The following CPQ variants were observed in gnomAD, a reference collection of about 807,000 sequenced individuals.
The protein encoded by CPQ is Ser-Met dipeptidase.
A neutral mutation model predicts 45.7 loss-of-function variants in CPQ; 37 were observed. That is an observed-to-expected ratio of 0.81 (90% CI 0.62 to 1.07). CPQ has a LOEUF of 1.07. Among genes scored for constraint, CPQ ranks in the 50% least tolerant of loss-of-function variants. The probability of loss-of-function intolerance (pLI) is 0.00; values close to 1 mark genes in which losing one functional copy is unlikely to be tolerated. For missense variants in CPQ, 537 were observed against 572.9 expected (o/e 0.94, Z 0.64); for synonymous variants, 186 against 205.8 (o/e 0.90, Z 0.82).
In CPQ at chr8:97,123,034, AAAATAAAAT is replaced by A. The variant is rs1191194702; in HGVS notation, c.1256-19973_1256-19965del. 8.1e-4 allele frequency among the ~76,000 whole-genome samples: 60 copies of A among 74,454 alleles called. 5 individuals carry two copies. Among genetic ancestry groups the A allele is most frequent in the Non-Finnish European group, 1.1e-3 (39 of 35,842 alleles). 48.8% of individuals were successfully genotyped at this position (74,454 alleles called of 152,430 possible). A position where few individuals can be genotyped will look rare whatever the true frequency, so the allele number is the denominator to read the frequency against. ...TAAAATAAAATAAAATAAATAAAAT[AAAATAAAAT>A]AAATAAAATAAAATAAAATAAAAAA... is the stretch of plus-strand genomic sequence containing the variant. On this transcript the variant is annotated intron_variant, in intron 7 of 7. Transcript: ENST00000220763.
intron 1 of CPQ, among the ~76,000 whole-genome samples, chr8:96,691,908 C>T (rs977954828): frequency 5.3e-5 from 8 of 152,074 alleles, no homozygotes; most frequent in Non-Finnish European, 1.0e-4. Flanking sequence ...TGTCCAAAAC[C>T]ATATAAATAA....
chr8:96,647,617 A>T (rs181337142), intron 1 of CPQ, among the ~76,000 whole-genome samples: 7 of 152,332 alleles, frequency 4.6e-5, no homozygotes, highest in Non-Finnish European at 7.3e-5. Context: ...ACTTTGAAGA[A>T]TGTGGTCTCT....
chr8:96,705,894 T>A (rs922711645), intron 1 of CPQ, among the ~76,000 whole-genome samples: 3 of 152,204 alleles, frequency 2.0e-5, no homozygotes, highest in Non-Finnish European at 4.4e-5. Context: ...ATATAATTTT[T>A]ACCTTTGATA....
intron 4 of CPQ, among the ~76,000 whole-genome samples, chr8:96,958,998 T>G (rs557221072): frequency 1.4e-4 from 21 of 152,088 alleles, no homozygotes; most frequent in African/African-American, 4.6e-4. Flanking sequence ...ACACCCTGTA[T>G]GTCAAGAGCT....
chr8:96,784,747 TGTTGGGCAGTG>T, intron 1 of CPQ, 106 bp from the exon 2 acceptor site: 3 of 682,558 alleles, frequency 4.4e-6, no homozygotes, highest in Non-Finnish European at 7.4e-6. Context: ...TGATGGTGGA[TGTTGGGCAGTG>T]GTTGGGAAGG....
At chr8:96,885,980 G>GA (rs36090013) in intron 4 of CPQ, among the ~76,000 whole-genome samples, 47 of 149,556 alleles carry the variant, frequency 3.1e-4, no homozygotes, top group East Asian at 1.4e-3. Flanking sequence ...CATCTCAACA[G>GA]AAAAAAAAAA....
At chr8:96,718,748 C>A (rs893571092) in intron 1 of CPQ, among the ~76,000 whole-genome samples, 1 of 152,140 alleles carries the variant, frequency 6.6e-6, no homozygotes. Context: ...GGTGCGTTTA[C>A]AATCCCTGAG....
At chr8:97,045,439 C>T (rs963045645) in intron 6 of CPQ, among the ~76,000 whole-genome samples, 21 of 152,294 alleles carry the variant, frequency 1.4e-4, no homozygotes, top group African/African-American at 4.8e-4. Context: ...CTTGTGCTTC[C>T]CGAGTGAGGC....
chr8:97,055,470 C>T (rs1228377805), intron 6 of CPQ: 2 of 152,136 alleles, frequency 1.3e-5, no homozygotes, highest in African/African-American at 4.8e-5. Context: ...TAAATAATAA[C>T]TCAACTCTCA....
At chr8:97,014,222 T>C (rs1225325263) in intron 5 of CPQ, among the ~76,000 whole-genome samples, 1 of 151,726 alleles carries the variant, frequency 6.6e-6, no homozygotes, top group African/African-American at 2.4e-5. Flanking sequence ...AGGGGGAGAG[T>C]TCCAGGGATG....
chr8:96,665,722 C>T (rs1396277445), intron 1 of CPQ, among the ~76,000 whole-genome samples: 1 of 152,132 alleles, frequency 6.6e-6, no homozygotes, highest in Non-Finnish European at 1.5e-5. Flanking sequence ...TATCTCTATT[C>T]CTATGATCTC....
At chr8:97,113,376 G>A (rs555692289) in intron 7 of CPQ, among the ~76,000 whole-genome samples, 2 of 152,292 alleles carry the variant, frequency 1.3e-5, no homozygotes, top group Non-Finnish European at 2.9e-5. Context: ...ACATAAACAG[G>A]ACTTTAATGT....
intron 1 of CPQ, among the ~76,000 whole-genome samples, chr8:96,719,124 C>T (rs539798881): frequency 3.5e-4 from 54 of 152,296 alleles, no homozygotes; most frequent in South Asian, 1.9e-3. Flanking sequence ...GACTGGGTGC[C>T]GTGGAGCAAG....
chr8:96,749,128 C>T (rs1443647949), intron 1 of CPQ, among the ~76,000 whole-genome samples: 2 of 152,100 alleles, frequency 1.3e-5, no homozygotes, highest in Non-Finnish European at 1.5e-5. Context: ...GGTCCTGGCA[C>T]AAAGTTTATG....
At chr8:96,823,846 A>G (rs1811342739) in intron 2 of CPQ, among the ~76,000 whole-genome samples, 2 of 151,978 alleles carry the variant, frequency 1.3e-5, no homozygotes, top group Non-Finnish European at 2.9e-5. Context: ...TATTATTATT[A>G]TTTTAATTAA....
intron 1 of CPQ, 80 bp from the exon 2 acceptor site, chr8:96,784,784 T>C: frequency 9.5e-7 from 1 of 1,053,880 alleles, no homozygotes; most frequent in East Asian, 2.6e-5. Context: ...GGAATGCTGC[T>C]TGAAAAGCAA....
At chr8:97,106,609 C>A (rs1811409832) in intron 7 of CPQ, among the ~76,000 whole-genome samples, 1 of 152,286 alleles carries the variant, frequency 6.6e-6, no homozygotes, top group African/African-American at 2.4e-5. Context: ...TTGCACTAGC[C>A]ACATTTCAAG....
chr8:96,929,292 C>T (rs150004167), intron 4 of CPQ, among the ~76,000 whole-genome samples: 341 of 152,272 alleles, frequency 2.2e-3, no homozygotes, highest in African/African-American at 7.5e-3. Flanking sequence ...TTAAGACTCT[C>T]TGAACAGATG....
chr8:96,961,400 G>C (rs1011407357), intron 4 of CPQ, among the ~76,000 whole-genome samples: 9 of 151,824 alleles, frequency 5.9e-5, no homozygotes, highest in Non-Finnish European at 1.2e-4. Context: ...GGGTTGCTTG[G>C]CTTTTTTATT....
Sources: gnomAD v4.1 joint callset for allele counts (sites outside exome capture counted in the v4.1 genomes callset) on GRCh38, gnomAD v4.1.1 for gene constraint, MANE v1.5 for transcripts, NCBI Gene and HGNC (gene_info 2026-07-23, HGNC 2026-07-21) for gene names.